The following ADCY3 variants were observed in gnomAD, a reference collection of about 807,000 sequenced individuals.
The protein encoded by ADCY3 is adenylate cyclase type 3.
Under a neutral mutation model 119.4 loss-of-function variants are expected in ADCY3, and 70 were observed. The observed-to-expected ratio is 0.59, with a 90% confidence interval of 0.48 to 0.72. ADCY3 has a LOEUF of 0.72. Ranked by LOEUF, ADCY3 falls within the 30% of genes least tolerant of loss-of-function variation. The probability of loss-of-function intolerance (pLI) is 0.00; values close to 1 mark genes in which losing one functional copy is unlikely to be tolerated. For missense variants in ADCY3, 1,238 were observed against 1,541.6 expected (o/e 0.80, Z 3.30); for synonymous variants, 672 against 621.4 (o/e 1.08, Z -1.21).
chr2:24,889,210 A>C (rs995970236), intron 2 of ADCY3, among the ~76,000 whole-genome samples: 3 of 152,220 alleles, frequency 2.0e-5, no homozygotes, highest in African/African-American at 7.2e-5. Flanking sequence ...GGGAAGCAGC[A>C]TGGGATGTTC....
intron 2 of ADCY3, among the ~76,000 whole-genome samples, chr2:24,887,415 G>A (rs2148912980): frequency 6.6e-6 from 1 of 152,238 alleles, no homozygotes. Flanking sequence ...GAGCTCCACG[G>A]CTCCTTTCCC....
intron 2 of ADCY3, among the ~76,000 whole-genome samples, chr2:24,893,907 T>A (rs1470495530): frequency 6.6e-6 from 1 of 152,236 alleles, no homozygotes. Context: ...AATATCTGCC[T>A]ATTAAACTGA....
At position 24,842,210 on chromosome 2, in the gene ADCY3, A is replaced by G; in HGVS notation, c.956+44T>C. 6.2e-7 allele frequency: 1 copy of G among 1,611,942 alleles called. No individual in the cohort carries two copies. Among genetic ancestry groups the G allele is most frequent in the Admixed American group, 1.7e-5 (1 of 60,008 alleles). The stretch of plus-strand genomic sequence containing the variant: ...GGGTCCCACAAAGATGCAGCCCTCC[A>G]CAGCCTGCTCTGCCATCAGAGCCCG... On this transcript the variant is annotated intron_variant, in intron 4 of 21. Coordinates refer to ENST00000679454, the MANE Select transcript of ADCY3 (RefSeq NM_004036.5). The surrounding 1 kb of genome is among the most constrained non-coding windows in gnomAD (Gnocchi z 4.9).
At chr2:24,881,123 G>C (rs1676351844) in intron 2 of ADCY3, among the ~76,000 whole-genome samples, 1 of 152,208 alleles carries the variant, frequency 6.6e-6, no homozygotes, top group Non-Finnish European at 1.5e-5. Context: ...AAATGCCCAT[G>C]AGGGCTGGCT....
At chr2:24,827,151 G>A (rs1420264943) in intron 15 of ADCY3, among the ~76,000 whole-genome samples, 1 of 152,194 alleles carries the variant, frequency 6.6e-6, no homozygotes. Context: ...GGCACTGGCA[G>A]GGACCTTAGA....
intron 2 of ADCY3, among the ~76,000 whole-genome samples, chr2:24,888,838 G>A (rs534445815): frequency 7.2e-5 from 11 of 152,276 alleles, no homozygotes; most frequent in East Asian, 1.9e-4. Context: ...GTGAGACCCC[G>A]TCTCTACTGA....
intron 2 of ADCY3, among the ~76,000 whole-genome samples, chr2:24,912,041 G>C (rs1215644344): frequency 6.6e-6 from 1 of 152,208 alleles, no homozygotes. Context: ...CTGTAACAGA[G>C]CAAGAGCTCA....
intron 3 of ADCY3, among the ~76,000 whole-genome samples, chr2:24,845,636 CTA>C: frequency 6.6e-6 from 1 of 152,346 alleles, no homozygotes; most frequent in East Asian, 1.9e-4. Context: ...TGCAGCCTGA[CTA>C]TGCGATAGAA....
At chr2:24,829,570 G>GCCA (rs1669156361) in intron 13 of ADCY3, among the ~76,000 whole-genome samples, 1 of 151,330 alleles carries the variant, frequency 6.6e-6, no homozygotes, top group Non-Finnish European at 1.5e-5. Flanking sequence ...ACAGGCGCCT[G>GCCA]CCACCACGCC....
intron 2 of ADCY3, among the ~76,000 whole-genome samples, chr2:24,900,830 C>T (rs1024835398): frequency 8.5e-5 from 13 of 152,128 alleles, no homozygotes; most frequent in African/African-American, 2.9e-4. Flanking sequence ...TTTGGGAGGC[C>T]GAGACGGGTG....
intron 2 of ADCY3, among the ~76,000 whole-genome samples, chr2:24,895,713 G>A (rs1247948029): frequency 1.3e-5 from 2 of 150,872 alleles, no homozygotes; most frequent in African/African-American, 4.9e-5. Context: ...CACAACCTAT[G>A]CCGTTGAGCT....
intron 19 of ADCY3, 27 bp downstream of exon 19, chr2:24,822,484 A>G: frequency 6.2e-7 from 1 of 1,609,452 alleles, no homozygotes; most frequent in Non-Finnish European, 8.5e-7. Flanking sequence ...GCAGAGCCTC[A>G]TCTCTCTGGC....
chr2:24,877,445 G>T (rs889768878), intron 2 of ADCY3, among the ~76,000 whole-genome samples: 2 of 152,164 alleles, frequency 1.3e-5, no homozygotes, highest in Admixed American at 1.3e-4. Flanking sequence ...CCCGCCTGAA[G>T]AACAAAGAGG....
chr2:24,914,938 T>C (rs1463395742), intron 2 of ADCY3, among the ~76,000 whole-genome samples: 1 of 152,118 alleles, frequency 6.6e-6, no homozygotes, highest in Non-Finnish European at 1.5e-5. Context: ...TCACCTGCTC[T>C]TCCTGTCAGA....
At position 24,902,686 on chromosome 2, in the gene ADCY3, G is replaced by A. The variant is rs1449176059; in HGVS notation, c.675+15627C>T. 2.6e-5 allele frequency among the ~76,000 whole-genome samples: 4 copies of A among 152,106 alleles called. No individual in the cohort carries two copies. In the South Asian group the frequency reaches 6.3e-4, roughly 24 times the overall value. On this transcript the variant is annotated intron_variant, in intron 2 of 21. Transcript: ENST00000679454. ...CTCCTCCTCAGCTACTCAACGTGAAGATGCAGATGAAGACCTTTTGATGAT... is the reference window on the plus strand; with the variant it reads ...CTCCTCCTCAGCTACTCAACGTGAAAATGCAGATGAAGACCTTTTGATGAT...
At chr2:24,909,103 C>T (rs961561319) in intron 2 of ADCY3, among the ~76,000 whole-genome samples, 1 of 152,136 alleles carries the variant, frequency 6.6e-6, no homozygotes, top group Non-Finnish European at 1.5e-5. Flanking sequence ...AATAACTTTC[C>T]ACTGAATAAT....
chr2:24,826,093 C>T lies in ADCY3; in HGVS notation c.2529G>A (p.Thr843=), dbSNP rs148560577. ...LPLVPSKYSM[T]VMVFLMMLSF... ...TGAGCATCATGAGGAACACCATCAC[C>T]GTCATAGAGTACTTGGAAGGCACCA... Residue 843 remains threonine (T), a synonymous_variant, in exon 16 of 22, where the codon ACG becomes ACA. Transcript: ENST00000679454. 2.1e-4 allele frequency: 338 copies of T among 1,614,072 alleles called. 2 individuals carry two copies. The African/African-American group carries it at 3.8e-3, about 18-fold the overall frequency.
At position 24,834,721 on chromosome 2, in the gene ADCY3, T is replaced by C; in HGVS notation, c.1805+73A>G. 1 of 1,602,042 alleles carries C rather than the reference T, an allele frequency of 6.2e-7. No homozygotes were observed. The highest frequency in any genetic ancestry group is 1.7e-5 in the Admixed American group (1 of 59,736). On this transcript the variant is annotated intron_variant, in intron 10 of 21. Transcript: ENST00000679454. This position sits in a 1 kb window ranked among gnomAD's most constrained non-coding sequence, Gnocchi z 4.2. ...CCTAGCAGGGGGGCCGTATTTGGGA[T>C]GCTCAGTTTCCTGAATCCCTTGTCA...
chr2:24,910,042 G>C (rs992736935), intron 2 of ADCY3, among the ~76,000 whole-genome samples: 3 of 152,208 alleles, frequency 2.0e-5, no homozygotes, highest in South Asian at 2.1e-4. Context: ...ATGAGTAAAG[G>C]CTTCTTAGAA....
Sources: gnomAD v4.1 joint callset for allele counts (sites outside exome capture counted in the v4.1 genomes callset) on GRCh38, gnomAD v4.1.1 for gene constraint, Gnocchi (gnomAD v3.1) non-coding constraint, MANE v1.5 for transcripts, NCBI Gene and HGNC (gene_info 2026-07-23, HGNC 2026-07-21) for gene names.